The following FGF12 variants were observed in gnomAD, a reference collection of about 807,000 sequenced individuals.
The protein encoded by FGF12 is fibroblast growth factor 12B.
Under a neutral mutation model 23.6 loss-of-function variants are expected in FGF12, and 14 were observed. The observed-to-expected ratio is 0.59, with a 90% CI of 0.39 to 0.93. The LOEUF is 0.93. Among genes scored for constraint, FGF12 ranks in the 40% least tolerant of loss-of-function variants. The pLI, the probability that FGF12 is intolerant of heterozygous loss-of-function variation, is 0.00. For missense variants in FGF12, 175 were observed against 217.8 expected, an observed-to-expected ratio of 0.80 and a Z score of 1.24; for synonymous variants, 62 against 77.3, an observed-to-expected ratio of 0.80 and a Z score of 1.04.
At chr3:192,402,687 C>T (rs2108771935) in intron 2 of FGF12, among the ~76,000 whole-genome samples, 1 of 152,292 alleles carries the variant, frequency 6.6e-6, no homozygotes, top group South Asian at 2.1e-4. Context: ...GGGGCTATCT[C>T]AGCAGACTGC....
intron 2 of FGF12, among the ~76,000 whole-genome samples, chr3:192,419,749 G>C (rs1721463121): frequency 6.6e-6 from 1 of 152,150 alleles, no homozygotes; most frequent in Non-Finnish European, 1.5e-5. Flanking sequence ...ACTGATTGCT[G>C]GGGATGTGGG....
intron 2 of FGF12, among the ~76,000 whole-genome samples, chr3:192,593,611 T>C (rs1377185842): frequency 2.6e-5 from 4 of 151,986 alleles, no homozygotes; most frequent in African/African-American, 9.7e-5. Flanking sequence ...TCACCAAACT[T>C]TGAATCTTTA....
intron 4 of FGF12, among the ~76,000 whole-genome samples, chr3:192,225,471 A>G (rs1489757245): frequency 1.3e-5 from 2 of 152,084 alleles, no homozygotes; most frequent in African/African-American, 4.8e-5. Flanking sequence ...TAAGCCTCCA[A>G]TGAGGATGTA....
intron 2 of FGF12, among the ~76,000 whole-genome samples, chr3:192,634,198 C>A (rs1339221169): frequency 6.6e-6 from 1 of 152,024 alleles, no homozygotes; most frequent in East Asian, 1.9e-4. Context: ...TGCCTACACA[C>A]GTAGATTCAT....
chr3:192,245,756 C>G (rs1281210131), intron 4 of FGF12, among the ~76,000 whole-genome samples: 1 of 152,086 alleles, frequency 6.6e-6, no homozygotes, highest in African/African-American at 2.4e-5. Flanking sequence ...TGGCAAGAGG[C>G]TAGGAGAAGG....
chr3:192,260,254 A>G (rs993543714), intron 4 of FGF12, among the ~76,000 whole-genome samples: 1 of 151,930 alleles, frequency 6.6e-6, no homozygotes, highest in Non-Finnish European at 1.5e-5. Context: ...TCACAGCCGT[A>G]TTCATCTATA....
intron 2 of FGF12, among the ~76,000 whole-genome samples, chr3:192,508,477 G>T (rs1577026388): frequency 1.3e-5 from 2 of 152,172 alleles, no homozygotes; most frequent in South Asian, 4.1e-4. Context: ...GTACTCGCTG[G>T]ATGTCTCTTT....
At chr3:192,228,682 C>A (rs2108581469) in intron 4 of FGF12, among the ~76,000 whole-genome samples, 1 of 152,026 alleles carries the variant, frequency 6.6e-6, no homozygotes. Flanking sequence ...AGGAAAGAAA[C>A]AATACTCAGA....
At chr3:192,660,544 G>A (rs1471451234) in intron 2 of FGF12, among the ~76,000 whole-genome samples, 1 of 151,468 alleles carries the variant, frequency 6.6e-6, no homozygotes, top group African/African-American at 2.4e-5. Flanking sequence ...CAAGTAGGAC[G>A]TAATGTAAAG....
At chr3:192,547,767 A>C (rs1725532937) in intron 2 of FGF12, among the ~76,000 whole-genome samples, 1 of 152,136 alleles carries the variant, frequency 6.6e-6, no homozygotes, top group African/African-American at 2.4e-5. Flanking sequence ...ATTCCTCATC[A>C]CAGCACTGGC....
rs1717405169 is a variant in FGF12 at position 192,336,159 on chromosome 3, T to TATATATATACAAATATATATACAC, written c.125-719_125-696dup. On this transcript the variant is annotated intron_variant, in intron 3 of 5. Coordinates refer to ENST00000445105, the MANE Select transcript of FGF12 (RefSeq NM_004113.6). This position sits in a 1 kb window ranked among gnomAD's most constrained non-coding sequence, Gnocchi z 4.3. The stretch of plus-strand genomic sequence containing the variant: ...CACATATACACACATATATACATAC[T>TATATATATACAAATATATATACAC]ATATATATACAAATATATATACACA... Among the ~76,000 whole-genome samples the TATATATATACAAATATATATACAC allele has an allele frequency of 2.0e-5, 3 of 147,758 alleles. No homozygotes were observed. The highest frequency in any genetic ancestry group is 4.5e-5 in the Non-Finnish European group (3 of 67,110).
intron 2 of FGF12, among the ~76,000 whole-genome samples, chr3:192,489,647 G>A (rs1352706169): frequency 6.6e-6 from 1 of 152,068 alleles, no homozygotes; most frequent in Non-Finnish European, 1.5e-5. Flanking sequence ...AGAGAGACTA[G>A]GGTGGCAGGC....
chr3:192,141,127 C>CAAAAAAAAAAAAAAAAA lies in FGF12; in HGVS notation c.*2881_*2882insTTTTTTTTTTTTTTTTT, dbSNP rs1396299359. On this transcript the variant is annotated 3_prime_UTR_variant, in exon 6 of 6. Coordinates refer to ENST00000445105, the MANE Select transcript of FGF12 (RefSeq NM_004113.6). Reference sequence around the variant, plus strand: ...TCCTGGGAAAAATCCCAATGCAACTCCAAAAAAAAAAAAAAAAAAAAAAAA... The same window carrying CAAAAAAAAAAAAAAAAA: ...TCCTGGGAAAAATCCCAATGCAACTCAAAAAAAAAAAAAAAAACAAAAAAAAAAAAAAAAAAAAAAAA... 3.5e-3 allele frequency: 76 copies of CAAAAAAAAAAAAAAAAA among 21,842 alleles called. 9 individuals carry two copies. The highest frequency in any genetic ancestry group is 0.038 in the Middle Eastern group (1 of 26). 1.4% of individuals were successfully genotyped at this position (21,842 alleles called of 1,614,324 possible). A position where few individuals can be genotyped will look rare whatever the true frequency, so the allele number is the denominator to read the frequency against.
At position 192,627,911 on chromosome 3, in the gene FGF12, G is replaced by T. The variant is rs532041481; in HGVS notation, c.13+99270C>A. Among the ~76,000 whole-genome samples the T allele has an allele frequency of 3.3e-5, 5 of 151,342 alleles. No homozygotes were observed. In the East Asian group the frequency reaches 7.8e-4, roughly 24 times the overall value. ...ATATACAATTTTATCATATGTAGAGGTTCATGTGGAGGCCACCACAATCAA... is the reference window on the plus strand; with the variant it reads ...ATATACAATTTTATCATATGTAGAGTTTCATGTGGAGGCCACCACAATCAA... On this transcript the variant is annotated intron_variant, in intron 2 of 5. Transcript: ENST00000445105.
intron 4 of FGF12, among the ~76,000 whole-genome samples, chr3:192,328,115 C>A (rs1434954821): frequency 6.6e-6 from 1 of 152,124 alleles, no homozygotes; most frequent in East Asian, 1.9e-4. Flanking sequence ...GGGCGTGGGA[C>A]TGGAAGCAGA....
At chr3:192,726,934 C>T (rs1719235833) in intron 2 of FGF12, 4 of 547,134 alleles carry the variant, frequency 7.3e-6, no homozygotes, top group South Asian at 5.5e-5. Flanking sequence ...CCCCACCTCC[C>T]CCCAAAAAAC....
chr3:192,527,599 G>C (rs1724976003), intron 2 of FGF12, among the ~76,000 whole-genome samples: 2 of 152,206 alleles, frequency 1.3e-5, no homozygotes, highest in South Asian at 4.1e-4. Flanking sequence ...GCCAGCACTA[G>C]ATAACCATCT....
chr3:192,502,365 T>G (rs1351666045), intron 2 of FGF12, among the ~76,000 whole-genome samples: 1 of 152,204 alleles, frequency 6.6e-6, no homozygotes, highest in African/African-American at 2.4e-5. Context: ...TGTTTATCAT[T>G]CTTAGAAGAA....
At position 192,170,284 on chromosome 3, in the gene FGF12, GA is replaced by G. The variant is rs5855411; in HGVS notation, c.427+173del. ...GACAGAGCAAGACTCTGCCTCAAAA[GA>G]AAAAAAAAAAAAAAAAGGAAGAGAT... On this transcript the variant is annotated intron_variant, in intron 5 of 5. Coordinates refer to ENST00000445105, the MANE Select transcript of FGF12 (RefSeq NM_004113.6). Among the ~76,000 whole-genome samples the G allele has an allele frequency of 0.55, 60,106 of 109,692 alleles. 14,543 individuals are homozygous for G. The highest frequency in any genetic ancestry group is 0.69 in the African/African-American group (22,078 of 31,940). The allele number at this position is 109,692 out of a possible 152,430, so 72.0% of individuals were successfully genotyped here.
Sources: allele counts gnomAD v4.1 joint callset (sites outside exome capture counted in the v4.1 genomes callset), GRCh38; gene constraint gnomAD v4.1.1; non-coding constraint Gnocchi (gnomAD v3.1); transcripts MANE v1.5; gene names NCBI Gene and HGNC (gene_info 2026-07-23, HGNC 2026-07-21).